The following CCDC7 variants were observed in gnomAD, a reference collection of about 807,000 sequenced individuals.
The protein encoded by CCDC7 is coiled-coil domain containing 7.
A neutral mutation model predicts 196.9 loss-of-function variants in CCDC7; 183 were observed. The observed-to-expected ratio is 0.93, with a 90% confidence interval of 0.82 to 1.05. The LOEUF is 1.05. Ranked by LOEUF, CCDC7 falls within the 50% of genes least tolerant of loss-of-function variation. CCDC7 has a pLI of 0.00. For synonymous variants in CCDC7, 525 were observed against 484.6 expected, an observed-to-expected ratio of 1.08 and a Z score of -1.10; for missense variants, 1,540 against 1,482.2, an observed-to-expected ratio of 1.04 and a Z score of -0.64.
At chr10:32,813,030 G>C (rs2087516401) in intron 30 of CCDC7, among the ~76,000 whole-genome samples, 2 of 152,092 alleles carry the variant, frequency 1.3e-5, no homozygotes, top group South Asian at 4.2e-4. Flanking sequence ...TGGCATATTT[G>C]AGCAGCTGGT....
chr10:32,780,631 T>C (rs1206785119), intron 29 of CCDC7, among the ~76,000 whole-genome samples: 1 of 152,020 alleles, frequency 6.6e-6, no homozygotes, highest in East Asian at 1.9e-4. Flanking sequence ...ATATCTATGG[T>C]GCATGCATGA....
intron 41 of CCDC7, among the ~76,000 whole-genome samples, chr10:32,871,033 C>G (rs1015502501): frequency 1.3e-5 from 2 of 152,124 alleles, no homozygotes; most frequent in Admixed American, 1.3e-4. Flanking sequence ...GAATGTTCAT[C>G]AGGGATATTG....
At chr10:32,710,436 A>G (rs2080634467) in intron 24 of CCDC7, among the ~76,000 whole-genome samples, 1 of 152,208 alleles carries the variant, frequency 6.6e-6, no homozygotes, top group Non-Finnish European at 1.5e-5. Flanking sequence ...TGGCCAAGGA[A>G]TTGCTTCTCT....
At chr10:32,827,562 C>T (rs569060635) in intron 32 of CCDC7, among the ~76,000 whole-genome samples, 9 of 148,174 alleles carry the variant, frequency 6.1e-5, no homozygotes, top group South Asian at 2.2e-4. Context: ...GCGGCAGTAG[C>T]GTGTTCTCAC....
intron 18 of CCDC7, among the ~76,000 whole-genome samples, chr10:32,627,886 C>T (rs1485720178): frequency 1.3e-5 from 2 of 151,558 alleles, no homozygotes; most frequent in East Asian, 3.9e-4. Flanking sequence ...ATAGGTGATA[C>T]CGTTAATGTG....
At chr10:32,647,678 GA>G (rs1454110008) in intron 20 of CCDC7, among the ~76,000 whole-genome samples, 1 of 152,066 alleles carries the variant, frequency 6.6e-6, no homozygotes, top group Admixed American at 6.5e-5. Flanking sequence ...TTTCAATGGA[GA>G]TTTTTTCTTG....
chr10:32,838,381 G>T (rs958026727), intron 33 of CCDC7, among the ~76,000 whole-genome samples: 14 of 151,992 alleles, frequency 9.2e-5, no homozygotes, highest in African/African-American at 3.4e-4. Context: ...AACAGCAGAA[G>T]AAAGAACTTC....
intron 23 of CCDC7, among the ~76,000 whole-genome samples, chr10:32,693,937 AG>A (rs2077382195): frequency 6.6e-6 from 1 of 152,202 alleles, no homozygotes; most frequent in Non-Finnish European, 1.5e-5. Context: ...AACTGGGATA[AG>A]TAGGCTGCAA....
chr10:32,547,155 C>T (rs1036034503), intron 13 of CCDC7, among the ~76,000 whole-genome samples: 2 of 152,084 alleles, frequency 1.3e-5, no homozygotes, highest in African/African-American at 4.8e-5. Flanking sequence ...GTATCTAGGA[C>T]TACAGGCATG....
At chr10:32,663,969 A>G in intron 20 of CCDC7, 85 bp from the exon 22 acceptor site, 1 of 382,742 alleles carries the variant, frequency 2.6e-6, no homozygotes, top group Non-Finnish European at 4.6e-6. Flanking sequence ...GAGACAGAAT[A>G]TGGCTGTATA....
chr10:32,774,270 G>A (rs551308851), intron 28 of CCDC7, among the ~76,000 whole-genome samples: 13 of 151,804 alleles, frequency 8.6e-5, no homozygotes, highest in South Asian at 4.1e-4. Flanking sequence ...CATGCCAGTC[G>A]ATGCAATTAG....
At chr10:32,861,507 C>A (rs1384531253) in intron 41 of CCDC7, among the ~76,000 whole-genome samples, 2 of 152,090 alleles carry the variant, frequency 1.3e-5, no homozygotes, top group Non-Finnish European at 2.9e-5. Context: ...AGGACATAGG[C>A]ATGGGTAAAG....
In CCDC7 at chr10:32,711,611, T is replaced by G. The variant is rs2080851941; in HGVS notation, c.2459-9T>G. 6.5e-7 allele frequency: 1 copy of G among 1,543,876 alleles called. No homozygotes were observed. The highest frequency in any genetic ancestry group is 8.8e-7 in the Non-Finnish European group (1 of 1,136,084). ...TCTAGTAAGGGACTAAATTTCTCTC[T>G]TAACATAGCTCATGATGAAGAATCA... On this transcript the variant is annotated splice_polypyrimidine_tract_variant and intron_variant, in intron 24 of 41. Coordinates refer to ENST00000639629, the Ensembl canonical transcript of CCDC7.
intron 28 of CCDC7, among the ~76,000 whole-genome samples, chr10:32,755,135 G>A (rs2076223739): frequency 6.6e-6 from 1 of 152,158 alleles, no homozygotes; most frequent in South Asian, 2.1e-4. Flanking sequence ...GAAATGGGTG[G>A]AGCCCACCAC....
At chr10:32,562,279 G>T (rs1255400652) in intron 13 of CCDC7, among the ~76,000 whole-genome samples, 1 of 152,098 alleles carries the variant, frequency 6.6e-6, no homozygotes, top group African/African-American at 2.4e-5. Flanking sequence ...GAAAAAGAGG[G>T]AATCCTCCCT....
chr10:32,586,558 G>A (rs2059299446), intron 18 of CCDC7, among the ~76,000 whole-genome samples: 2 of 152,252 alleles, frequency 1.3e-5, no homozygotes, highest in South Asian at 2.1e-4. Flanking sequence ...TGTATAAGGT[G>A]TAAGGAAGGG....
intron 9 of CCDC7, among the ~76,000 whole-genome samples, chr10:32,504,954 C>T (rs897545297): frequency 7.9e-5 from 12 of 152,098 alleles, no homozygotes; most frequent in East Asian, 1.9e-4. Context: ...CCGATGTTTC[C>T]GTATTCATTT....
intron 30 of CCDC7, among the ~76,000 whole-genome samples, chr10:32,807,800 A>T (rs1159028607): frequency 6.6e-6 from 1 of 151,806 alleles, no homozygotes; most frequent in Non-Finnish European, 1.5e-5. Flanking sequence ...GATGCAGCAT[A>T]GTGCCTTTTT....
chr10:32,564,397 A>C (rs1468902117), intron 13 of CCDC7, among the ~76,000 whole-genome samples: 3 of 152,196 alleles, frequency 2.0e-5, no homozygotes, highest in African/African-American at 4.8e-5. Context: ...ACTTGGAACC[A>C]ACCCACATGT....
Sources: allele counts gnomAD v4.1 joint callset (sites outside exome capture counted in the v4.1 genomes callset), GRCh38; gene constraint gnomAD v4.1.1; transcripts MANE v1.5; gene names NCBI Gene and HGNC (gene_info 2026-07-23, HGNC 2026-07-21).